The following DDX23 variants were observed in gnomAD, a reference collection of about 807,000 sequenced individuals.
DDX23 encodes the protein DEAD-box helicase 23, also known as probable ATP-dependent RNA helicase DDX23.
A neutral mutation model predicts 102.7 loss-of-function variants in DDX23; 33 were observed. The ratio of observed to expected loss-of-function variants is 0.32; its 90% CI spans 0.24 to 0.43. The LOEUF is 0.43. Ranked by LOEUF, DDX23 falls within the 20% of genes least tolerant of loss-of-function variation. The pLI is 1.00. For synonymous variants in DDX23, 352 were observed against 376.0 expected (o/e 0.94, Z 0.74); for missense variants, 549 against 1,086.6 (o/e 0.51, Z 6.96).
In DDX23 at chr12:48,830,764, C is replaced by G; in HGVS notation, c.2240-72G>C. ...GGAGCCGTGTCTGATGCCTCCACTT[C>G]TAGAGGCATCCTTCCCACCCCATCT... On this transcript the variant is annotated intron_variant, in intron 16 of 16. Transcript: ENST00000308025. The surrounding 1 kb of genome is among the most constrained non-coding windows in gnomAD (Gnocchi z 4.9). The G allele has an allele frequency of 7.1e-7, 1 of 1,406,060 alleles. No individual in the cohort carries two copies. The highest frequency in any genetic ancestry group is 1.4e-5 in the African/African-American group (1 of 69,828). The allele number at this position is 1,406,060 out of a possible 1,614,324, so 87.1% of individuals were successfully genotyped here. A position where few individuals can be genotyped will look rare whatever the true frequency, so the allele number is the denominator to read the frequency against.
intron 1 of DDX23, among the ~76,000 whole-genome samples, chr12:48,851,789 G>A (rs1371036611): frequency 5.9e-5 from 9 of 152,240 alleles, no homozygotes; most frequent in Admixed American, 5.9e-4. Context: ...CTGCACCAAA[G>A]GCTACTTTAA....
chr12:48,833,229 C>T, intron 13 of DDX23, 48 bp downstream of exon 13: 3 of 1,606,206 alleles, frequency 1.9e-6, no homozygotes, highest in East Asian at 2.2e-5. Context: ...AAGTGATCCA[C>T]CCGCCTTGGC....
Position 48,830,360 on chromosome 12 carries a change from AG to A in DDX23, c.*108del. 1 of 1,308,936 alleles carries A rather than the reference AG, an allele frequency of 7.6e-7. No homozygotes were observed. The highest frequency in any genetic ancestry group is 1.1e-6 in the Non-Finnish European group (1 of 921,082). The allele number at this position is 1,308,936 out of a possible 1,614,324, so 81.1% of individuals were successfully genotyped here. A position where few individuals can be genotyped will look rare whatever the true frequency, so the allele number is the denominator to read the frequency against. On this transcript the variant is annotated 3_prime_UTR_variant, in exon 17 of 17. Transcript: ENST00000308025. This position sits in a 1 kb window ranked among gnomAD's most constrained non-coding sequence, Gnocchi z 4.9. ...GCTAGGGAGTTGGATTGTTTTCCTA[AG>A]CCCCCATATCCCAAGAGTGAGGACC... is the stretch of plus-strand genomic sequence containing the variant.
rs554213005 is a variant in DDX23, at chr12:48,838,400, C to T, written c.481-320G>A. Among the ~76,000 whole-genome samples, 9 of 152,178 alleles carry T rather than the reference C, an allele frequency of 5.9e-5. No individual in the cohort carries two copies. In the South Asian group the frequency reaches 1.9e-3, roughly 31 times the overall value. On this transcript the variant is annotated intron_variant, in intron 5 of 16. Coordinates refer to ENST00000308025, the MANE Select transcript of DDX23 (RefSeq NM_004818.3). Reference sequence around the variant, plus strand: ...CCTTGTTTCTACAAAAATAAAAAAACTCAGCCAGACATGATGGCATGTGCA... The same window carrying T: ...CCTTGTTTCTACAAAAATAAAAAAATTCAGCCAGACATGATGGCATGTGCA...
rs749479822 is a variant in DDX23 at position 48,834,512 on chromosome 12, G to A, written c.1383-15C>T. On this transcript the variant is annotated splice_polypyrimidine_tract_variant and intron_variant, in intron 11 of 16. Coordinates refer to ENST00000308025, the MANE Select transcript of DDX23 (RefSeq NM_004818.3). ...ACTCTTCGATCCTGTGGTAAACAGG[G>A]TGCCCCACAGCTTCGTGAGCTTTGG... is the stretch of plus-strand genomic sequence containing the variant. 2 of 1,609,120 alleles carry A rather than the reference G, an allele frequency of 1.2e-6. No homozygotes were observed. The highest frequency in any genetic ancestry group is 1.1e-5 in the South Asian group (1 of 90,418).
At chr12:48,843,633 C>T (rs539188749) in intron 3 of DDX23, among the ~76,000 whole-genome samples, 1 of 150,522 alleles carries the variant, frequency 6.6e-6, no homozygotes, top group Admixed American at 6.6e-5. Context: ...ACTGCAGGCT[C>T]CGCCTCCCGG....
Position 48,832,607 on chromosome 12 carries a change from G to A in DDX23, c.1804-34C>T, listed in dbSNP as rs774195739. 1 of 1,607,934 alleles carries A rather than the reference G, an allele frequency of 6.2e-7. No homozygotes were observed. Among genetic ancestry groups the A allele is most frequent in the Non-Finnish European group, 8.5e-7 (1 of 1,175,398 alleles). ...ACAGGAGGCTCAGCCCTGCACCCAG[G>A]CAGGAATAATCATATATCCCACTGT... On this transcript the variant is annotated intron_variant, in intron 13 of 16. Transcript: ENST00000308025. The surrounding 1 kb of genome is among the most constrained non-coding windows in gnomAD (Gnocchi z 4.4).
chr12:48,842,489 G>A (rs1938579492), intron 3 of DDX23, among the ~76,000 whole-genome samples: 2 of 140,122 alleles, frequency 1.4e-5, no homozygotes, highest in Admixed American at 6.9e-5. Flanking sequence ...CCCCGTCCGG[G>A]AGGAAGGTGG....
At position 48,830,706 on chromosome 12, in the gene DDX23, A is replaced by G; in HGVS notation, c.2240-14T>C. 1 of 1,592,366 alleles carries G rather than the reference A, an allele frequency of 6.3e-7. No individual in the cohort carries two copies. The highest frequency in any genetic ancestry group is 2.2e-5 in the East Asian group (1 of 44,768). On this transcript the variant is annotated splice_polypyrimidine_tract_variant and intron_variant, in intron 16 of 16. Transcript: ENST00000308025. The surrounding 1 kb of genome is among the most constrained non-coding windows in gnomAD (Gnocchi z 4.9). ...GGTGGATGTAATCTGGGGAATGGGA[A>G]GAACGTCACTCAGCATAGCCCAGAT...
chr12:48,846,986 C>G (rs762021278), intron 1 of DDX23, among the ~76,000 whole-genome samples: 1 of 152,222 alleles, frequency 6.6e-6, no homozygotes, highest in Non-Finnish European at 1.5e-5. Flanking sequence ...ATACATTTCT[C>G]GCAACTTATT....
Position 48,834,515 on chromosome 12 carries a change from C to T in DDX23, c.1383-18G>A, listed in dbSNP as rs768794543. 6 of 1,607,134 alleles carry T rather than the reference C, an allele frequency of 3.7e-6. No homozygotes were observed. The African/African-American group carries it at 6.7e-5, about 18-fold the overall frequency. On this transcript the variant is annotated intron_variant, in intron 11 of 16. Transcript: ENST00000308025. ...CTTCGATCCTGTGGTAAACAGGGTGCCCCACAGCTTCGTGAGCTTTGGTTC... is the reference window on the plus strand; with the variant it reads ...CTTCGATCCTGTGGTAAACAGGGTGTCCCACAGCTTCGTGAGCTTTGGTTC...
At position 48,833,290 on chromosome 12, in the gene DDX23, T is replaced by C. The variant is rs780683128; in HGVS notation, c.1790A>G (p.His597Arg). 1 of 1,614,180 alleles carries C rather than the reference T, an allele frequency of 6.2e-7. No homozygotes were observed. ...KMLANFESGK[H>R]KYRQTVMFTA... Reference sequence around the variant, plus strand: ...AAGCAGCCTTACTTGGCGGTACTTATGTTTTCCCGACTCAAAGTTGGCCAG... The same window carrying C: ...AAGCAGCCTTACTTGGCGGTACTTACGTTTTCCCGACTCAAAGTTGGCCAG... The change falls in exon 13 of 17, where the codon CAT (histidine) becomes CGT (arginine). Residue 597 changes from histidine (H) to arginine (R), a missense_variant. His to Arg is a conservative substitution (Grantham distance 29). Around this residue, in one of 4 missense-constraint regions of DDX23, gnomAD observed 270 missense variants for 707.0 expected, o/e 0.38. Transcript: ENST00000308025.
Position 48,845,693 on chromosome 12 carries a change from C to A in DDX23, c.90G>T (p.Arg30=). 1 of 1,614,256 alleles carries A rather than the reference C, an allele frequency of 6.2e-7. No homozygotes were observed. The highest frequency in any genetic ancestry group is 8.5e-7 in the Non-Finnish European group (1 of 1,180,042). Residue 30 remains arginine (R), a synonymous_variant, in exon 2 of 17, where the codon CGG becomes CGT. Coordinates refer to ENST00000308025, the MANE Select transcript of DDX23 (RefSeq NM_004818.3). ...AAGACTTCCGGTCCCGGTCTCTATCCCGCTCTCTGTCAGGAGTCCGTGATC... is the reference window on the plus strand; with the variant it reads ...AAGACTTCCGGTCCCGGTCTCTATCACGCTCTCTGTCAGGAGTCCGTGATC... ...RKRSRTPDRE[R]DRDRDRKSSP...
In DDX23 at chr12:48,836,320, G is replaced by T; in HGVS notation, c.1237-54C>A. Reference sequence around the variant, plus strand: ...GTACAGGGAGAGTTATACCACCTGGGCAACCACTGATAGTAGTAAGCACAT... The same window carrying T: ...GTACAGGGAGAGTTATACCACCTGGTCAACCACTGATAGTAGTAAGCACAT... On this transcript the variant is annotated intron_variant, in intron 10 of 16. Coordinates refer to ENST00000308025, the MANE Select transcript of DDX23 (RefSeq NM_004818.3). This position sits in a 1 kb window ranked among gnomAD's most constrained non-coding sequence, Gnocchi z 6.1. 1 of 1,588,840 alleles carries T rather than the reference G, an allele frequency of 6.3e-7. No homozygotes were observed. Among genetic ancestry groups the T allele is most frequent in the Non-Finnish European group, 8.6e-7 (1 of 1,158,366 alleles).
In DDX23 at chr12:48,832,372, G is replaced by T. The variant is rs746593099; in HGVS notation, c.1955+50C>A. The T allele has an allele frequency of 1.3e-6, 2 of 1,597,480 alleles. No individual in the cohort carries two copies. The highest frequency in any genetic ancestry group is 1.1e-5 in the South Asian group (1 of 89,784). The stretch of plus-strand genomic sequence containing the variant: ...TGCACCTGCACTAAAAAAGTTCTCA[G>T]AGCCATTTTATTCTCCACCCTGTTT... On this transcript the variant is annotated intron_variant, in intron 14 of 16. Coordinates refer to ENST00000308025, the MANE Select transcript of DDX23 (RefSeq NM_004818.3). The surrounding 1 kb of genome is among the most constrained non-coding windows in gnomAD (Gnocchi z 4.4).
chr12:48,838,465 A>C (rs1347007894), intron 5 of DDX23, among the ~76,000 whole-genome samples: 1 of 149,178 alleles, frequency 6.7e-6, no homozygotes, highest in Non-Finnish European at 1.5e-5. Context: ...CAGGAAAATC[A>C]TATGAGCCCA....
At chr12:48,849,694 G>A (rs1347757796) in intron 1 of DDX23, among the ~76,000 whole-genome samples, 1 of 152,146 alleles carries the variant, frequency 6.6e-6, no homozygotes, top group African/African-American at 2.4e-5. Flanking sequence ...GCCAGGTGTG[G>A]TGGTTCACAC....
At position 48,843,986 on chromosome 12, in the gene DDX23, G is replaced by C. The variant is rs770829636; in HGVS notation, c.274C>G (p.Arg92Gly). 1.2e-6 allele frequency: 2 copies of C among 1,613,906 alleles called. No individual in the cohort carries two copies. Among genetic ancestry groups the C allele is most frequent in the Non-Finnish European group, 1.7e-6 (2 of 1,180,026 alleles). ...ERDRNKKDRD[R>G]DKDGHRRDKD... ...TCCCGTCTGTGCCCATCCTTGTCTC[G>C]ATCTCGGTCCTTCTTATTCCGATCC... Residue 92 changes from arginine (R) to glycine (G), a missense_variant, in exon 3 of 17, where the codon CGA (arginine) becomes GGA (glycine). Arg to Gly is a moderately radical substitution (Grantham distance 125). Around this residue, in one of 4 missense-constraint regions of DDX23, gnomAD observed 241 missense variants for 267.0 expected, o/e 0.90. Transcript: ENST00000308025.
At chr12:48,851,428 G>A (rs1938756190) in intron 1 of DDX23, among the ~76,000 whole-genome samples, 2 of 151,692 alleles carry the variant, frequency 1.3e-5, no homozygotes, top group Non-Finnish European at 2.9e-5. Flanking sequence ...AACCAAGATC[G>A]TGCCATTGCA....
Sources: gnomAD v4.1 joint callset for allele counts (sites outside exome capture counted in the v4.1 genomes callset) on GRCh38, gnomAD v4.1.1 for gene constraint, gnomAD v4.1.1 regional missense constraint, Gnocchi (gnomAD v3.1) non-coding constraint, MANE v1.5 for transcripts, NCBI Gene and HGNC (gene_info 2026-07-23, HGNC 2026-07-21) for gene names.